HDAC4: variants seen among roughly 807,000 people sequenced by gnomAD.
HDAC4 encodes histone deacetylase 4.
Under a neutral mutation model 135.1 loss-of-function variants are expected in HDAC4, and 16 were observed. The ratio of observed to expected loss-of-function variants is 0.12; its 90% CI spans 0.08 to 0.18. The LOEUF is 0.18. Ranked by LOEUF, HDAC4 falls within the 10% of genes least tolerant of loss-of-function variation. The pLI, the probability that HDAC4 is intolerant of heterozygous loss-of-function variation, is 1.00. For synonymous variants in HDAC4, 685 were observed against 653.4 expected (o/e 1.05, Z -0.74); for missense variants, 1,143 against 1,511.8 (o/e 0.76, Z 4.05).
At chr2:239,291,233 C>T (rs1299291774) in intron 2 of HDAC4, among the ~76,000 whole-genome samples, 3 of 152,254 alleles carry the variant, frequency 2.0e-5, no homozygotes, top group African/African-American at 7.2e-5. Flanking sequence ...AACTGAAAAG[C>T]ATGGCGGGTA....
At chr2:239,339,562 G>A (rs1049099676) in intron 2 of HDAC4, among the ~76,000 whole-genome samples, 9 of 152,200 alleles carry the variant, frequency 5.9e-5, no homozygotes, top group Admixed American at 4.6e-4. Flanking sequence ...GGAGACCTAC[G>A]TTGTTCTTTT....
At chr2:239,259,081 C>T (rs1000762521) in intron 2 of HDAC4, among the ~76,000 whole-genome samples, 1 of 152,184 alleles carries the variant, frequency 6.6e-6, no homozygotes, top group African/African-American at 2.4e-5. Context: ...ACTTTGACAG[C>T]GTATCACCCC....
intron 19 of HDAC4, among the ~76,000 whole-genome samples, chr2:239,087,011 C>T (rs2036036458): frequency 6.6e-6 from 1 of 152,320 alleles, no homozygotes; most frequent in South Asian, 2.1e-4. Flanking sequence ...TCTGGACACA[C>T]AGGGATGGAT....
chr2:239,237,638 G>A (rs181380230), intron 2 of HDAC4, among the ~76,000 whole-genome samples: 25 of 151,394 alleles, frequency 1.7e-4, no homozygotes, highest in African/African-American at 5.1e-4. Context: ...TTGCCAACCC[G>A]TGCATGTCCT....
intron 24 of HDAC4, among the ~76,000 whole-genome samples, chr2:239,060,985 G>C (rs1334066748): frequency 6.6e-6 from 1 of 152,254 alleles, no homozygotes; most frequent in Non-Finnish European, 1.5e-5. Flanking sequence ...CACGAGGCTG[G>C]GCTCTGTCTT....
intron 2 of HDAC4, among the ~76,000 whole-genome samples, chr2:239,261,155 G>A (rs368643177): frequency 3.3e-5 from 5 of 152,168 alleles, no homozygotes; most frequent in South Asian, 4.1e-4. Context: ...TGGGGTGGCC[G>A]GGGTGGTGTT....
At chr2:239,270,605 C>T (rs141379771) in intron 2 of HDAC4, among the ~76,000 whole-genome samples, 7 of 152,324 alleles carry the variant, frequency 4.6e-5, no homozygotes, top group African/African-American at 1.7e-4. Context: ...CAAGTCTCCT[C>T]GGAACTGGAC....
At chr2:239,267,484 G>A (rs1575568989) in intron 2 of HDAC4, among the ~76,000 whole-genome samples, 1 of 152,246 alleles carries the variant, frequency 6.6e-6, no homozygotes, top group Non-Finnish European at 1.5e-5. Context: ...AACCCTTGAG[G>A]ACGTGCTGAA....
At position 239,082,117 on chromosome 2, in the gene HDAC4, G is replaced by A. The variant is rs61754649; in HGVS notation, c.2637C>T (p.Ser879=). ...RYDDGNFFPG[S]GAPDEVGTGP... The stretch of plus-strand genomic sequence containing the variant: ...CCCCACCTACCTCATCAGGAGCCCC[G>A]CTGCCTGGGAAGAAGTTCCCATCGT... Residue 879 remains serine (S), a synonymous_variant, in exon 21 of 27, where the codon AGC becomes AGT. Coordinates refer to ENST00000543185, the MANE Select transcript of HDAC4 (RefSeq NM_001378414.1). 0.026 allele frequency: 40,845 copies of A among 1,592,686 alleles called. 592 individuals carry two copies. Among genetic ancestry groups the A allele is most frequent in the Non-Finnish European group, 0.03 (35,152 of 1,167,830 alleles).
chr2:239,342,801 G>A (rs928579035), intron 2 of HDAC4, among the ~76,000 whole-genome samples: 4 of 152,152 alleles, frequency 2.6e-5, no homozygotes, highest in South Asian at 2.1e-4. Flanking sequence ...TAAGCCAGCC[G>A]GGCTCAGGAT....
chr2:239,084,980 CACAT>C lies in HDAC4; in HGVS notation c.2445-742_2445-739del, dbSNP rs762687401. Among the ~76,000 whole-genome samples, 39 of 149,528 alleles carry C rather than the reference CACAT, an allele frequency of 2.6e-4. 1 individual carries two copies. In the South Asian group the frequency reaches 4.7e-3, roughly 18 times the overall value. ...CCACAGACACATACAAGCACACACACACATATACACATAAGCATATACCTATCAC... is the reference window on the plus strand; with the variant it reads ...CCACAGACACATACAAGCACACACACATACACATAAGCATATACCTATCAC... On this transcript the variant is annotated intron_variant, in intron 19 of 26. Coordinates refer to ENST00000543185, the MANE Select transcript of HDAC4 (RefSeq NM_001378414.1).
intron 2 of HDAC4, among the ~76,000 whole-genome samples, chr2:239,339,843 A>C (rs999876110): frequency 6.6e-6 from 1 of 152,202 alleles, no homozygotes; most frequent in African/African-American, 2.4e-5. Flanking sequence ...TGTGATTCTC[A>C]TGCATCAGGT....
At position 239,139,767 on chromosome 2, in the gene HDAC4, C is replaced by T. The variant is rs745919731; in HGVS notation, c.895G>A (p.Gly299Arg). Residue 299 changes from glycine (G) to arginine (R), a missense_variant, in exon 9 of 27, where the codon GGA becomes AGA. By Grantham distance (125) the Gly-to-Arg change is moderately radical. Transcript: ENST00000543185. The surrounding 1 kb of genome is among the most constrained non-coding windows in gnomAD (Gnocchi z 5.3). ...GAGCTGTTGTTGGGTGAGCTGGGTC[C>T]GGAGCCTGGGGCGCTGCTGCACGCG... ...DSACSSAPGS[G>R]PSSPNNSSGS... 10 of 1,613,978 alleles carry T rather than the reference C, an allele frequency of 6.2e-6. No homozygotes were observed. The highest frequency in any genetic ancestry group is 2.2e-5 in the South Asian group (2 of 91,080).
At chr2:239,319,978 C>T (rs1286831349) in intron 2 of HDAC4, among the ~76,000 whole-genome samples, 2 of 152,104 alleles carry the variant, frequency 1.3e-5, no homozygotes, top group African/African-American at 4.8e-5. Flanking sequence ...ACGGTCACTG[C>T]TATTGTATTG....
intron 26 of HDAC4, 97 bp downstream of exon 26, chr2:239,053,363 A>C: frequency 6.7e-7 from 1 of 1,498,772 alleles, no homozygotes; most frequent in South Asian, 1.2e-5. Flanking sequence ...TCTGTTGGGC[A>C]GGGCATGTGC....
Position 239,134,272 on chromosome 2 carries a change from G to A in HDAC4, c.1267C>T (p.Pro423Ser), listed in dbSNP as rs2152881085. 6.2e-7 allele frequency: 1 copy of A among 1,612,612 alleles called. No individual in the cohort carries two copies. Among genetic ancestry groups the A allele is most frequent in the Non-Finnish European group, 8.5e-7 (1 of 1,180,002 alleles). ...GTGACGAGGGGTGCTTGTGCCGGCG[G>A]CTGCTCCAGTAAGACCATGTGCTGC... ...LLQHMVLLEQPPAQAPLVTDW... is the reference protein window; with the variant it reads ...LLQHMVLLEQSPAQAPLVTDW... The change falls in exon 11 of 27, where the codon CCG (proline) becomes TCG (serine). Residue 423 changes from proline (P) to serine (S), a missense_variant. By Grantham distance (74) the Pro-to-Ser change is moderately conservative. This residue lies in a region of HDAC4 where 272 missense variants were observed against 309.7 expected (regional missense o/e 0.88). Coordinates refer to ENST00000543185, the MANE Select transcript of HDAC4 (RefSeq NM_001378414.1).
At chr2:239,216,373 CT>C (rs1254894278) in intron 3 of HDAC4, among the ~76,000 whole-genome samples, 1 of 152,000 alleles carries the variant, frequency 6.6e-6, no homozygotes, top group African/African-American at 2.4e-5. Context: ...AGCTGATGTT[CT>C]CATGTTCTGA....
At chr2:239,097,158 G>A (rs914725207) in intron 16 of HDAC4, among the ~76,000 whole-genome samples, 6 of 152,238 alleles carry the variant, frequency 3.9e-5, no homozygotes, top group Admixed American at 2.6e-4. Flanking sequence ...GAGGGAGCCC[G>A]CGCTCCTCTC....
intron 2 of HDAC4, among the ~76,000 whole-genome samples, chr2:239,269,193 A>C (rs1156982332): frequency 1.3e-5 from 2 of 151,534 alleles, no homozygotes; most frequent in East Asian, 2.0e-4. Context: ...ACACACCCAC[A>C]CACATTCACA....
Sources: gnomAD v4.1 joint callset for allele counts (sites outside exome capture counted in the v4.1 genomes callset) on GRCh38, gnomAD v4.1.1 for gene constraint, gnomAD v4.1.1 regional missense constraint, Gnocchi (gnomAD v3.1) non-coding constraint, MANE v1.5 for transcripts, NCBI Gene and HGNC (gene_info 2026-07-23, HGNC 2026-07-21) for gene names.